Variants in ZBTB7C observed in about 807,000 individuals in gnomAD.
The protein encoded by ZBTB7C is zinc finger and BTB domain-containing protein 7C.
ZBTB7C carries 8 observed loss-of-function variants against 25.7 expected under a neutral mutation model. The observed-to-expected ratio is 0.31, with a 90% CI of 0.18 to 0.56. The LOEUF is 0.56. Ranked by LOEUF, ZBTB7C falls within the 20% of genes least tolerant of loss-of-function variation. ZBTB7C has a pLI of 0.91. For missense variants in ZBTB7C, 824 were observed against 855.2 expected, an observed-to-expected ratio of 0.96 and a Z score of 0.46; for synonymous variants, 394 against 369.0, an observed-to-expected ratio of 1.07 and a Z score of -0.78.
intron 3 of ZBTB7C, among the ~76,000 whole-genome samples, chr18:48,044,786 C>T (rs1345631876): frequency 6.6e-6 from 1 of 152,234 alleles, no homozygotes; most frequent in Non-Finnish European, 1.5e-5. Context: ...AAATATCCTC[C>T]CTAAACAATG....
At chr18:48,331,096 G>A (rs1337853728) in intron 2 of ZBTB7C, among the ~76,000 whole-genome samples, 1 of 152,056 alleles carries the variant, frequency 6.6e-6, no homozygotes, top group Non-Finnish European at 1.5e-5. Flanking sequence ...GGGCCAGAAG[G>A]CTTTGCTAGC....
chr18:48,041,831 C>A (rs189296574), intron 3 of ZBTB7C, among the ~76,000 whole-genome samples: 28 of 151,876 alleles, frequency 1.8e-4, no homozygotes, highest in African/African-American at 5.3e-4. Flanking sequence ...AATATAAATG[C>A]AATATTCAAT....
chr18:48,378,881 AAGAC>A (rs2047578703), intron 1 of ZBTB7C, among the ~76,000 whole-genome samples: 2 of 152,200 alleles, frequency 1.3e-5, no homozygotes, highest in Non-Finnish European at 2.9e-5. Flanking sequence ...AGTAAAGCAA[AAGAC>A]AGAGATGGAA....
At chr18:48,200,183 T>G (rs1193133880) in intron 2 of ZBTB7C, among the ~76,000 whole-genome samples, 1 of 151,306 alleles carries the variant, frequency 6.6e-6, no homozygotes, top group Non-Finnish European at 1.5e-5. Context: ...CTCTAAAGAG[T>G]GAATTAACCG....
intron 2 of ZBTB7C, among the ~76,000 whole-genome samples, chr18:48,271,066 A>G (rs1332137388): frequency 6.6e-6 from 1 of 152,222 alleles, no homozygotes; most frequent in Non-Finnish European, 1.5e-5. Flanking sequence ...ACCTGCATAC[A>G]TTAGTAACCA....
At chr18:48,114,624 G>A (rs192152596) in intron 3 of ZBTB7C, among the ~76,000 whole-genome samples, 26 of 152,062 alleles carry the variant, frequency 1.7e-4, no homozygotes, top group African/African-American at 6.3e-4. Flanking sequence ...CTCAGAAGCA[G>A]AAGAAAAGAA....
intron 3 of ZBTB7C, among the ~76,000 whole-genome samples, chr18:48,116,683 C>T (rs2039452435): frequency 6.6e-6 from 1 of 152,116 alleles, no homozygotes; most frequent in South Asian, 2.1e-4. Context: ...TGCTGGCTGT[C>T]CTGGCCACTG....
intron 3 of ZBTB7C, among the ~76,000 whole-genome samples, chr18:48,129,660 GA>G (rs1263394941): frequency 2.6e-5 from 4 of 152,218 alleles, no homozygotes; most frequent in African/African-American, 9.7e-5. Flanking sequence ...GCCCGGAAGG[GA>G]GGGAGAGGCT....
At chr18:48,241,738 C>T (rs1390254653) in intron 2 of ZBTB7C, among the ~76,000 whole-genome samples, 1 of 152,066 alleles carries the variant, frequency 6.6e-6, no homozygotes, top group Non-Finnish European at 1.5e-5. Flanking sequence ...GCATTAAATG[C>T]CTACGTCAAA....
At position 48,259,787 on chromosome 18, in the gene ZBTB7C, C is replaced by T. The variant is rs896152230; in HGVS notation, c.-78-73792G>A. ...GTTCTGTGTCATTAGTTATAAGGGACATGAAAATCAAAACCACAATGATAT... is the reference window on the plus strand; with the variant it reads ...GTTCTGTGTCATTAGTTATAAGGGATATGAAAATCAAAACCACAATGATAT... On this transcript the variant is annotated intron_variant, in intron 2 of 4. Coordinates refer to ENST00000590800, the MANE Select transcript of ZBTB7C (RefSeq NM_001318841.2). Among the ~76,000 whole-genome samples the T allele has an allele frequency of 2.6e-5, 4 of 152,102 alleles. No individual in the cohort carries two copies. The South Asian group carries it at 6.2e-4, about 24-fold the overall frequency.
In ZBTB7C at chr18:48,344,636, T is replaced by C. The variant is rs186324183; in HGVS notation, c.-303-6238A>G. Among the ~76,000 whole-genome samples the C allele has an allele frequency of 3.9e-5, 6 of 152,312 alleles. No homozygotes were observed. The East Asian group carries it at 1.2e-3, about 29-fold the overall frequency. The stretch of plus-strand genomic sequence containing the variant: ...GGATTCAAGAGACAAAGAGGAAAAG[T>C]AGGAGAACGCTTTATGAAATTATGA... On this transcript the variant is annotated intron_variant, in intron 1 of 4. Transcript: ENST00000590800.
intron 1 of ZBTB7C, among the ~76,000 whole-genome samples, chr18:48,353,458 C>T (rs1278437904): frequency 6.6e-6 from 1 of 152,160 alleles, no homozygotes; most frequent in Non-Finnish European, 1.5e-5. Flanking sequence ...TCCCTGGTCT[C>T]CTTGTCATGG....
At chr18:48,337,952 G>A (rs1335178787) in intron 2 of ZBTB7C, among the ~76,000 whole-genome samples, 1 of 152,196 alleles carries the variant, frequency 6.6e-6, no homozygotes, top group Non-Finnish European at 1.5e-5. Flanking sequence ...CATAGGAAGT[G>A]AACCCATCTA....
intron 2 of ZBTB7C, among the ~76,000 whole-genome samples, chr18:48,190,460 C>T (rs8099374): frequency 0.58 from 87,908 of 152,024 alleles, 25,783 homozygotes; most frequent in African/African-American, 0.66. Flanking sequence ...GACAAGATGA[C>T]GGAGGCACAG....
chr18:48,154,932 G>C (rs2040791085), intron 3 of ZBTB7C, among the ~76,000 whole-genome samples: 1 of 152,176 alleles, frequency 6.6e-6, no homozygotes, highest in Non-Finnish European at 1.5e-5. Context: ...TGCATAATAG[G>C]AACCCAGAGA....
chr18:48,300,334 T>C (rs113042736), intron 2 of ZBTB7C, among the ~76,000 whole-genome samples: 1,648 of 152,028 alleles, frequency 0.011, 33 homozygotes, highest in African/African-American at 0.038. Context: ...GGCAGATGAG[T>C]TGTGAATGTG....
intron 1 of ZBTB7C, among the ~76,000 whole-genome samples, chr18:48,380,362 C>T (rs1264946044): frequency 1.3e-5 from 2 of 152,024 alleles, no homozygotes; most frequent in East Asian, 3.8e-4. Context: ...ATGGTGGGAG[C>T]CAGGTTTCTC....
chr18:48,319,849 G>A (rs1465991902), intron 2 of ZBTB7C, among the ~76,000 whole-genome samples: 1 of 152,080 alleles, frequency 6.6e-6, no homozygotes, highest in African/African-American at 2.4e-5. Flanking sequence ...ACTGTCACAT[G>A]CCAAATATTG....
chr18:48,167,137 A>C (rs1245541154), intron 3 of ZBTB7C, among the ~76,000 whole-genome samples: 1 of 152,140 alleles, frequency 6.6e-6, no homozygotes, highest in African/African-American at 2.4e-5. Context: ...GGCAATATCC[A>C]GACCCTTCCT....
Sources: allele counts gnomAD v4.1 joint callset (sites outside exome capture counted in the v4.1 genomes callset), GRCh38; gene constraint gnomAD v4.1.1; transcripts MANE v1.5; gene names NCBI Gene and HGNC (gene_info 2026-07-23, HGNC 2026-07-21).